The following EPC2 variants were observed in gnomAD, a reference collection of about 807,000 sequenced individuals.
The protein encoded by EPC2 is enhancer of polycomb 2, also known as enhancer of polycomb homolog 2.
In EPC2, 14 loss-of-function variants were observed where a neutral mutation model predicts 92.1. The ratio of observed to expected loss-of-function variants is 0.15; its 90% CI spans 0.10 to 0.24. The LOEUF (loss-of-function observed/expected upper bound fraction) is 0.24, where lower values mean the gene tolerates loss of function less well. Ranked by LOEUF, EPC2 falls within the 10% of genes least tolerant of loss-of-function variation. EPC2 has a pLI of 1.00. For synonymous variants in EPC2, 340 were observed against 334.7 expected (o/e 1.02, Z -0.17); for missense variants, 755 against 971.5 (o/e 0.78, Z 2.96).
intron 1 of EPC2, among the ~76,000 whole-genome samples, chr2:148,667,847 T>TC (rs1404746728): frequency 1.3e-5 from 2 of 152,222 alleles, no homozygotes; most frequent in Non-Finnish European, 2.9e-5. Context: ...TTGGCTTTTG[T>TC]CAAATGCTTT....
At chr2:148,701,902 G>A (rs995290092) in intron 2 of EPC2, among the ~76,000 whole-genome samples, 13 of 151,984 alleles carry the variant, frequency 8.6e-5, no homozygotes, top group African/African-American at 2.9e-4. Context: ...ACTTATTATA[G>A]ATCTATATAG....
chr2:148,666,678 C>G (rs181762987), intron 1 of EPC2, among the ~76,000 whole-genome samples: 1 of 152,264 alleles, frequency 6.6e-6, no homozygotes, highest in East Asian at 1.9e-4. Context: ...ACTGGTGGTT[C>G]TCAGAGTGTA....
intron 4 of EPC2, among the ~76,000 whole-genome samples, chr2:148,759,104 A>G (rs1006016949): frequency 2.0e-5 from 3 of 152,080 alleles, no homozygotes; most frequent in Non-Finnish European, 2.9e-5. Flanking sequence ...TATTATTACT[A>G]TTTTTAAGAT....
chr2:148,644,945 G>A lies in EPC2; in HGVS notation c.-73G>A. 7.6e-7 allele frequency: 1 copy of A among 1,309,558 alleles called. No homozygotes were observed. Among genetic ancestry groups the A allele is most frequent in the Non-Finnish European group, 1.1e-6 (1 of 937,092 alleles). 81.1% of individuals were successfully genotyped at this position (1,309,558 alleles called of 1,614,324 possible). A position where few individuals can be genotyped will look rare whatever the true frequency, so the allele number is the denominator to read the frequency against. On this transcript the variant is annotated 5_prime_UTR_variant, in exon 1 of 14. Transcript: ENST00000258484. Reference sequence around the variant, plus strand: ...CACTGAGGAAGGAGGTGGAGGAGGCGGCGGGAGTCCTCCCCCCCTCCCCGC... The same window carrying A: ...CACTGAGGAAGGAGGTGGAGGAGGCAGCGGGAGTCCTCCCCCCCTCCCCGC...
chr2:148,750,298 G>C (rs999656714), intron 3 of EPC2, among the ~76,000 whole-genome samples: 2 of 151,946 alleles, frequency 1.3e-5, no homozygotes, highest in African/African-American at 4.8e-5. Flanking sequence ...CTTTCTATGG[G>C]AGAGAAAAGT....
chr2:148,701,912 G>A (rs1170074466), intron 2 of EPC2, among the ~76,000 whole-genome samples: 1 of 151,960 alleles, frequency 6.6e-6, no homozygotes, highest in African/African-American at 2.4e-5. Context: ...GATCTATATA[G>A]ATTTTCTGTT....
At chr2:148,698,989 T>A (rs1057208221) in intron 2 of EPC2, among the ~76,000 whole-genome samples, 1 of 152,108 alleles carries the variant, frequency 6.6e-6, no homozygotes, top group Non-Finnish European at 1.5e-5. Flanking sequence ...GGAATTAGTT[T>A]TATATCCTTC....
At chr2:148,703,534 A>G (rs1012212369) in intron 2 of EPC2, among the ~76,000 whole-genome samples, 1 of 151,860 alleles carries the variant, frequency 6.6e-6, no homozygotes, top group Non-Finnish European at 1.5e-5. Flanking sequence ...TTCTTTTGTT[A>G]GTAGTAGTAT....
chr2:148,748,349 AGTTCTT>A (rs1683026040), intron 3 of EPC2, among the ~76,000 whole-genome samples: 2 of 152,136 alleles, frequency 1.3e-5, no homozygotes, highest in Admixed American at 6.6e-5. Flanking sequence ...AGTCTTAGGT[AGTTCTT>A]TATAGCAATG....
chr2:148,753,921 A>G lies in EPC2; in HGVS notation c.460-6A>G. 1 of 1,601,884 alleles carries G rather than the reference A, an allele frequency of 6.2e-7. No individual in the cohort carries two copies. The highest frequency in any genetic ancestry group is 1.7e-4 in the Middle Eastern group (1 of 6,026). On this transcript the variant is annotated splice_polypyrimidine_tract_variant and splice_region_variant and intron_variant, in intron 3 of 13. Transcript: ENST00000258484. ...TAGCCAATGACATTTTGTATTTTTC[A>G]TTTAGCTTGTAACACTTCAAGAAGC...
At chr2:148,655,327 T>C (rs1441154478) in intron 1 of EPC2, among the ~76,000 whole-genome samples, 1 of 152,182 alleles carries the variant, frequency 6.6e-6, no homozygotes, top group Admixed American at 6.5e-5. Context: ...TGGACTCTTT[T>C]GGCAGTCTGT....
At chr2:148,682,729 A>G (rs1481059840) in intron 1 of EPC2, among the ~76,000 whole-genome samples, 3 of 152,136 alleles carry the variant, frequency 2.0e-5, no homozygotes, top group South Asian at 2.1e-4. Flanking sequence ...CACAAGTATA[A>G]TGAATCTCCA....
intron 1 of EPC2, among the ~76,000 whole-genome samples, chr2:148,651,446 G>A (rs1680681774): frequency 6.6e-6 from 1 of 152,140 alleles, no homozygotes. Flanking sequence ...AAACATAGAA[G>A]CACTCAGTAA....
intron 4 of EPC2, among the ~76,000 whole-genome samples, chr2:148,756,641 A>G (rs1328219798): frequency 6.6e-6 from 1 of 152,260 alleles, no homozygotes; most frequent in East Asian, 1.9e-4. Context: ...AGGCACCAGC[A>G]TGTCTTAATG....
intron 10 of EPC2, among the ~76,000 whole-genome samples, chr2:148,780,971 G>A (rs1300781754): frequency 1.3e-5 from 2 of 152,096 alleles, no homozygotes; most frequent in Non-Finnish European, 2.9e-5. Context: ...GTTTTCATTT[G>A]AAACACACTT....
At chr2:148,782,451 C>T (rs777342503) in intron 11 of EPC2, among the ~76,000 whole-genome samples, 13 of 151,894 alleles carry the variant, frequency 8.6e-5, no homozygotes, top group Non-Finnish European at 1.6e-4. Context: ...GCATGAGAAT[C>T]GCTTGAACCC....
chr2:148,664,357 G>C (rs1475631611), intron 1 of EPC2, among the ~76,000 whole-genome samples: 1 of 152,112 alleles, frequency 6.6e-6, no homozygotes, highest in Non-Finnish European at 1.5e-5. Flanking sequence ...AAATTAGCCA[G>C]GCAGGGTGCT....
chr2:148,715,188 C>T (rs889803303), intron 2 of EPC2, among the ~76,000 whole-genome samples: 5 of 151,986 alleles, frequency 3.3e-5, no homozygotes, highest in South Asian at 2.1e-4. Context: ...CACGTGCCAC[C>T]GCACCCGGCT....
intron 3 of EPC2, among the ~76,000 whole-genome samples, chr2:148,752,619 G>A (rs1683101451): frequency 6.6e-6 from 1 of 152,152 alleles, no homozygotes; most frequent in Non-Finnish European, 1.5e-5. Flanking sequence ...TGCACTAAAT[G>A]TAATTGTGAC....
Sources: gnomAD v4.1 joint callset for allele counts (sites outside exome capture counted in the v4.1 genomes callset) on GRCh38, gnomAD v4.1.1 for gene constraint, MANE v1.5 for transcripts, NCBI Gene and HGNC (gene_info 2026-07-23, HGNC 2026-07-21) for gene names.